The following TFCP2L1 variants were observed in gnomAD, a reference collection of about 807,000 sequenced individuals.
TFCP2L1 encodes transcription factor CP2-like protein 1.
Under a neutral mutation model 72.2 loss-of-function variants are expected in TFCP2L1, and 12 were observed. That is an observed-to-expected ratio of 0.17 (90% confidence interval 0.11 to 0.27). The LOEUF (loss-of-function observed/expected upper bound fraction) is 0.27, where lower values mean the gene tolerates loss of function less well. TFCP2L1 is among the 10% of genes least tolerant of loss of function. TFCP2L1 has a pLI of 1.00. For synonymous variants in TFCP2L1, 260 were observed against 251.0 expected, an observed-to-expected ratio of 1.04 and a Z score of -0.34; for missense variants, 488 against 624.6, an observed-to-expected ratio of 0.78 and a Z score of 2.33.
chr2:121,230,435 G>C (rs1686117874), intron 13 of TFCP2L1, among the ~76,000 whole-genome samples: 1 of 151,996 alleles, frequency 6.6e-6, no homozygotes, highest in South Asian at 2.1e-4. Flanking sequence ...GCCTCCCAAA[G>C]TGCTGGGATT....
At chr2:121,249,934 T>C (rs1686571355) in intron 2 of TFCP2L1, among the ~76,000 whole-genome samples, 1 of 152,238 alleles carries the variant, frequency 6.6e-6, no homozygotes, top group Non-Finnish European at 1.5e-5. Context: ...GAAAATACAG[T>C]TAGCATTAAA....
At position 121,220,989 on chromosome 2, in the gene TFCP2L1, G is replaced by C. The variant is rs891773223; in HGVS notation, c.*3352C>G. On this transcript the variant is annotated 3_prime_UTR_variant, in exon 15 of 15. Coordinates refer to ENST00000263707, the MANE Select transcript of TFCP2L1 (RefSeq NM_014553.3). ...CAGACTTTTATTACATCTTCTTTTG[G>C]AACTTAGAAGACAATATTAGCCTCC... 4 of 152,098 alleles carry C rather than the reference G, an allele frequency of 2.6e-5. No individual in the cohort carries two copies. The highest frequency in any genetic ancestry group is 9.7e-5 in the African/African-American group (4 of 41,410). The allele number at this position is 152,098 out of a possible 1,614,324, so 9.4% of individuals were successfully genotyped here. A position where few individuals can be genotyped will look rare whatever the true frequency, so the allele number is the denominator to read the frequency against.
At chr2:121,254,215 TTC>T (rs1230136149) in intron 2 of TFCP2L1, among the ~76,000 whole-genome samples, 1 of 152,230 alleles carries the variant, frequency 6.6e-6, no homozygotes, top group Non-Finnish European at 1.5e-5. Flanking sequence ...TATAGTGCTG[TTC>T]TCTGTTAGAA....
At chr2:121,262,794 A>G (rs892960229) in intron 2 of TFCP2L1, among the ~76,000 whole-genome samples, 3 of 152,128 alleles carry the variant, frequency 2.0e-5, no homozygotes, top group Admixed American at 1.3e-4. Flanking sequence ...GTCTAAATTT[A>G]TTTCCTCCTC....
chr2:121,261,528 C>G (rs1271790525), intron 2 of TFCP2L1, among the ~76,000 whole-genome samples: 1 of 152,108 alleles, frequency 6.6e-6, no homozygotes, highest in Non-Finnish European at 1.5e-5. Flanking sequence ...GTTTTACCCA[C>G]AGAATAAAAT....
chr2:121,261,409 CAA>C (rs1459710771), intron 2 of TFCP2L1, among the ~76,000 whole-genome samples: 1 of 151,808 alleles, frequency 6.6e-6, no homozygotes, highest in Non-Finnish European at 1.5e-5. Flanking sequence ...AGGAAATGCT[CAA>C]AAAAGAATGA....
At chr2:121,254,587 C>T (rs1243313576) in intron 2 of TFCP2L1, among the ~76,000 whole-genome samples, 1 of 152,168 alleles carries the variant, frequency 6.6e-6, no homozygotes, top group African/African-American at 2.4e-5. Flanking sequence ...TGCCTGAGGT[C>T]AGGAGTTCGA....
chr2:121,269,918 A>AAAAAAAAAAAAAAAAATATATAT, intron 2 of TFCP2L1, among the ~76,000 whole-genome samples: 3 of 115,178 alleles, frequency 2.6e-5, no homozygotes, highest in African/African-American at 1.1e-4. Flanking sequence ...AAAAAAAAAA[A>AAAAAAAAAAAAAAAAATATATAT]ATATATATAT....
At chr2:121,240,017 T>C (rs1686335126) in intron 7 of TFCP2L1, 1 of 982,756 alleles carries the variant, frequency 1.0e-6, no homozygotes, top group African/African-American at 1.8e-5. Flanking sequence ...AGAGACAAAT[T>C]CGTGTAAATG....
At chr2:121,241,850 T>A (rs1185510037) in intron 7 of TFCP2L1, among the ~76,000 whole-genome samples, 2 of 151,766 alleles carry the variant, frequency 1.3e-5, no homozygotes, top group Non-Finnish European at 2.9e-5. Context: ...CAAGATAAGC[T>A]AATAATGGAA....
intron 2 of TFCP2L1, among the ~76,000 whole-genome samples, chr2:121,275,568 CT>C (rs931104631): frequency 0.02 from 2,452 of 121,744 alleles, 31 homozygotes; most frequent in African/African-American, 0.062. Flanking sequence ...AGAAGTAAGT[CT>C]TTTTTTTTTT....
At chr2:121,234,420 A>G in intron 11 of TFCP2L1, 1 of 540,922 alleles carries the variant, frequency 1.8e-6, no homozygotes. Context: ...AGACGTTTTC[A>G]GGCAACAATT....
At chr2:121,246,492 A>C (rs1267134337) in intron 6 of TFCP2L1, among the ~76,000 whole-genome samples, 1 of 152,156 alleles carries the variant, frequency 6.6e-6, no homozygotes, top group Non-Finnish European at 1.5e-5. Context: ...GCTTGGGAGA[A>C]AAAAAAGCTA....
At chr2:121,224,440 C>T (rs1217507508) in intron 14 of TFCP2L1, 53 bp from the exon 15 acceptor site, 21 of 1,592,044 alleles carry the variant, frequency 1.3e-5, no homozygotes, top group South Asian at 1.1e-5. Flanking sequence ...TGCAGTGCCA[C>T]AGTATTGGGG....
chr2:121,248,891 C>T (rs762180401), intron 4 of TFCP2L1, 91 bp downstream of exon 4: 28 of 1,059,866 alleles, frequency 2.6e-5, no homozygotes, highest in Admixed American at 6.1e-5. Context: ...AAAACGCCTT[C>T]TCGGCATAGG....
At chr2:121,240,632 G>A in intron 7 of TFCP2L1, 3 of 985,408 alleles carry the variant, frequency 3.0e-6, no homozygotes, top group Non-Finnish European at 3.6e-6. Flanking sequence ...CCTGGCATGT[G>A]GCTCACCAGG....
chr2:121,234,364 G>T, intron 11 of TFCP2L1, 170 bp from the exon 12 acceptor site: 2 of 616,126 alleles, frequency 3.2e-6, no homozygotes, highest in South Asian at 1.9e-5. Context: ...AGGTCCCGCA[G>T]CCTGCCAAGG....
chr2:121,252,104 C>A (rs940962561), intron 2 of TFCP2L1, among the ~76,000 whole-genome samples: 22 of 152,188 alleles, frequency 1.4e-4, no homozygotes, highest in African/African-American at 5.3e-4. Context: ...GGTTAGAGTG[C>A]AGTGGCACAA....
At chr2:121,235,420 C>A (rs1033334237) in intron 10 of TFCP2L1, 109 bp from the exon 11 acceptor site, 10 of 1,047,652 alleles carry the variant, frequency 9.5e-6, no homozygotes, top group Admixed American at 3.8e-5. Context: ...TGGGGAAGAG[C>A]CAGCTGCACT....
Sources: allele counts gnomAD v4.1 joint callset (sites outside exome capture counted in the v4.1 genomes callset), GRCh38; gene constraint gnomAD v4.1.1; transcripts MANE v1.5; gene names NCBI Gene and HGNC (gene_info 2026-07-23, HGNC 2026-07-21).